ATP8B4: variants seen among roughly 807,000 people sequenced by gnomAD.
ATP8B4 encodes the protein ATPase phospholipid transporting 8B4 (putative).
A neutral mutation model predicts 145.6 loss-of-function variants in ATP8B4; 133 were observed. The ratio of observed to expected loss-of-function variants is 0.91; its 90% CI spans 0.79 to 1.05. The LOEUF (loss-of-function observed/expected upper bound fraction) is 1.05, where lower values mean the gene tolerates loss of function less well. ATP8B4 is among the 50% of genes least tolerant of loss of function. The probability of loss-of-function intolerance (pLI) is 0.00; values close to 1 mark genes in which losing one functional copy is unlikely to be tolerated. For missense variants in ATP8B4, 1,458 were observed against 1,425.2 expected (o/e 1.02, Z -0.37); for synonymous variants, 507 against 492.9 (o/e 1.03, Z -0.38).
intron 23 of ATP8B4, among the ~76,000 whole-genome samples, chr15:49,886,964 C>T (rs901050327): frequency 6.6e-6 from 1 of 152,110 alleles, no homozygotes; most frequent in Non-Finnish European, 1.5e-5. Flanking sequence ...TGCCTGCCAC[C>T]ATGCCTGGCT....
intron 20 of ATP8B4, chr15:49,908,166 T>A (rs2038832786): frequency 4.4e-6 from 2 of 451,554 alleles, no homozygotes; most frequent in African/African-American, 2.0e-5. Flanking sequence ...TTCCAGGCAC[T>A]GTCTCAAAAC....
intron 23 of ATP8B4, chr15:49,896,559 G>T (rs533921809): frequency 6.6e-6 from 1 of 152,198 alleles, no homozygotes; most frequent in East Asian, 1.9e-4. Flanking sequence ...CCTTTTCAAG[G>T]ACAATCTTTT....
At chr15:49,886,154 C>T (rs2036158868) in intron 23 of ATP8B4, among the ~76,000 whole-genome samples, 1 of 152,124 alleles carries the variant, frequency 6.6e-6, no homozygotes, top group African/African-American at 2.4e-5. Context: ...TCTAACTCAC[C>T]CGTGGGGCCC....
intron 2 of ATP8B4, among the ~76,000 whole-genome samples, chr15:50,100,035 C>CAG (rs2056248949): frequency 1.2e-5 from 1 of 80,256 alleles, no homozygotes; most frequent in African/African-American, 4.8e-5. Flanking sequence ...AACTCCATCT[C>CAG]AAAAAAAAAA....
At chr15:49,903,786 C>T (rs1463811755) in intron 20 of ATP8B4, among the ~76,000 whole-genome samples, 2 of 151,874 alleles carry the variant, frequency 1.3e-5, no homozygotes, top group African/African-American at 2.4e-5. Flanking sequence ...CCTAGCTACT[C>T]GGGAGGCTGA....
intron 14 of ATP8B4, among the ~76,000 whole-genome samples, chr15:49,940,618 T>C (rs1279531994): frequency 1.3e-5 from 2 of 152,176 alleles, no homozygotes; most frequent in Admixed American, 6.6e-5. Flanking sequence ...GGTGGTTTAT[T>C]TGGAAAGACT....
At chr15:49,999,807 A>T (rs2047740025) in intron 8 of ATP8B4, among the ~76,000 whole-genome samples, 1 of 152,026 alleles carries the variant, frequency 6.6e-6, no homozygotes, top group Non-Finnish European at 1.5e-5. Flanking sequence ...TCACTGCGGG[A>T]TCCCTCAGGT....
chr15:50,162,088 C>T (rs1434853518), intron 1 of ATP8B4, among the ~76,000 whole-genome samples: 1 of 152,018 alleles, frequency 6.6e-6, no homozygotes, highest in Non-Finnish European at 1.5e-5. Context: ...TATGTCATGC[C>T]ACTTTCTCCT....
intron 20 of ATP8B4, among the ~76,000 whole-genome samples, chr15:49,909,856 A>G (rs1216026476): frequency 1.3e-5 from 2 of 152,154 alleles, no homozygotes; most frequent in South Asian, 2.1e-4. Context: ...GTCCTCTCCT[A>G]TGAAAGTAAA....
At position 49,981,292 on chromosome 15, in the gene ATP8B4, G is replaced by C; in HGVS notation, c.751C>G (p.Pro251Ala). The change falls in exon 11 of 28, where the codon CCT (proline) becomes GCT (alanine). Residue 251 changes from proline to alanine, a missense_variant and splice_region_variant. Coordinates refer to ENST00000284509, the MANE Select transcript of ATP8B4 (RefSeq NM_024837.4). ...CTATTCTGCATTAGTTTAGTGTCAG[G>C]ACCTGCAAAAACAAAAAAAAGTAAA... ...WCFGMVIFAG[P>A]DTKLMQNSGK... 3 of 1,601,482 alleles carry C rather than the reference G, an allele frequency of 1.9e-6. No homozygotes were observed. The highest frequency in any genetic ancestry group is 2.6e-6 in the Non-Finnish European group (3 of 1,175,272).
intron 1 of ATP8B4, among the ~76,000 whole-genome samples, chr15:50,129,350 C>T (rs576615410): frequency 6.6e-6 from 1 of 152,290 alleles, no homozygotes; most frequent in South Asian, 2.1e-4. Flanking sequence ...GTTGGCAAAG[C>T]TGGTTTCTTA....
Position 50,139,875 on chromosome 15 carries a change from C to T in ATP8B4, c.-42-32867G>A, listed in dbSNP as rs116561490. 2.9e-3 allele frequency among the ~76,000 whole-genome samples: 440 copies of T among 152,234 alleles called. 3 individuals are homozygous for T. The highest frequency in any genetic ancestry group is 0.01 in the African/African-American group (429 of 41,544). On this transcript the variant is annotated intron_variant, in intron 1 of 3. Transcript: ENST00000558829. ...CAACTGCACAGCAAGATGTTTTCTG[C>T]TTGATGGGCAGATAGAAATTAAAAC...
chr15:49,978,198 C>A (rs1404059533), intron 12 of ATP8B4, among the ~76,000 whole-genome samples: 1 of 152,150 alleles, frequency 6.6e-6, no homozygotes, highest in African/African-American at 2.4e-5. Context: ...CCACTATGCA[C>A]ATTTATTATT....
intron 6 of ATP8B4, among the ~76,000 whole-genome samples, chr15:50,031,613 T>G (rs936310173): frequency 2.0e-5 from 3 of 152,004 alleles, no homozygotes; most frequent in Non-Finnish European, 4.4e-5. Context: ...TAAGAGAATA[T>G]TTAATAAGAG....
upstream of ATP8B4, among the ~76,000 whole-genome samples, chr15:50,120,630 G>A (rs1359811213): frequency 6.6e-6 from 1 of 151,992 alleles, no homozygotes. Flanking sequence ...TATTTCTTAG[G>A]AATTTACCTT....
chr15:50,178,911 C>T (rs930675977), intron 1 of ATP8B4, among the ~76,000 whole-genome samples: 9 of 151,936 alleles, frequency 5.9e-5, no homozygotes, highest in Non-Finnish European at 1.0e-4. Context: ...ATTAAGAAGT[C>T]GTTACTTATT....
chr15:50,080,178 A>T (rs2054453054), intron 2 of ATP8B4, among the ~76,000 whole-genome samples: 1 of 152,216 alleles, frequency 6.6e-6, no homozygotes, highest in Non-Finnish European at 1.5e-5. Flanking sequence ...AATCCAATAT[A>T]ATTTGATGCC....
chr15:50,064,846 G>A (rs896479251), intron 3 of ATP8B4, among the ~76,000 whole-genome samples: 12 of 151,718 alleles, frequency 7.9e-5, no homozygotes, highest in Non-Finnish European at 1.6e-4. Flanking sequence ...GTTGAAGCAG[G>A]AGCAAAAGGG....
intron 2 of ATP8B4, among the ~76,000 whole-genome samples, chr15:50,086,805 AT>A (rs1419714310): frequency 6.2e-5 from 4 of 64,446 alleles, no homozygotes; most frequent in East Asian, 8.9e-4. Context: ...AGAGATCTAT[AT>A]TTATTATATA....
Sources: gnomAD v4.1 joint callset for allele counts (sites outside exome capture counted in the v4.1 genomes callset) on GRCh38, gnomAD v4.1.1 for gene constraint, MANE v1.5 for transcripts, NCBI Gene and HGNC (gene_info 2026-07-23, HGNC 2026-07-21) for gene names.